SHISA9: variants seen among roughly 807,000 people sequenced by gnomAD.
The protein encoded by SHISA9 is shisa family member 9, also known as protein shisa-9.
A neutral mutation model predicts 38.0 loss-of-function variants in SHISA9; 13 were observed. The observed-to-expected ratio is 0.34, with a 90% CI of 0.22 to 0.54. The LOEUF is 0.54. Ranked by LOEUF, SHISA9 falls within the 20% of genes least tolerant of loss-of-function variation. The pLI is 0.91. For synonymous variants in SHISA9, 275 were observed against 242.0 expected, an observed-to-expected ratio of 1.14 and a Z score of -1.27; for missense variants, 538 against 575.8, an observed-to-expected ratio of 0.93 and a Z score of 0.67.
rs926243067 is a variant in SHISA9, at chr16:12,947,591, C to G, written c.691+30776C>G. Among the ~76,000 whole-genome samples, 4 of 152,168 alleles carry G rather than the reference C, an allele frequency of 2.6e-5. No individual in the cohort carries two copies. In the East Asian group the frequency reaches 7.7e-4, roughly 29 times the overall value. ...ATTCATTCAGCTTGGGGAGACATCA[C>G]GTGGTGGCTAACAGGGACATCGGGA... is the stretch of plus-strand genomic sequence containing the variant. On this transcript the variant is annotated intron_variant, in intron 2 of 4. Transcript: ENST00000558583.
At chr16:13,084,283 T>G (rs1048366495) in intron 2 of SHISA9, among the ~76,000 whole-genome samples, 1 of 152,186 alleles carries the variant, frequency 6.6e-6, no homozygotes, top group Non-Finnish European at 1.5e-5. Flanking sequence ...TTCTGCTGCT[T>G]CTTTTTGAAA....
At chr16:13,166,758 T>C (rs2050639947) in intron 2 of SHISA9, among the ~76,000 whole-genome samples, 1 of 152,142 alleles carries the variant, frequency 6.6e-6, no homozygotes, top group African/African-American at 2.4e-5. Flanking sequence ...CTGGTGATCT[T>C]CACAAGGTGG....
intron 2 of SHISA9, among the ~76,000 whole-genome samples, chr16:12,926,976 A>G (rs1019983373): frequency 3.9e-5 from 6 of 152,236 alleles, no homozygotes; most frequent in African/African-American, 1.4e-4. Flanking sequence ...TAAGAATGCC[A>G]GGTCGGCCAT....
chr16:13,304,685 C>T, the SHISA9 span, among the ~76,000 whole-genome samples: 4 of 152,050 alleles, frequency 2.6e-5, no homozygotes, highest in Admixed American at 6.5e-5. Flanking sequence ...TTTTTATTCC[C>T]GCAACAATCT....
chr16:13,223,733 A>G (rs578029834), intron 4 of SHISA9, among the ~76,000 whole-genome samples: 1 of 152,330 alleles, frequency 6.6e-6, no homozygotes, highest in Non-Finnish European at 1.5e-5. Context: ...AGGCCTCAAA[A>G]TCATGGTGGA....
chr16:13,470,652 A>G, the SHISA9 span, among the ~76,000 whole-genome samples: 6 of 152,178 alleles, frequency 3.9e-5, no homozygotes, highest in Non-Finnish European at 8.8e-5. Context: ...GCACATGGGG[A>G]TTGTTACAAT....
chr16:13,402,368 A>C, the SHISA9 span, among the ~76,000 whole-genome samples: 7 of 152,180 alleles, frequency 4.6e-5, no homozygotes, highest in Non-Finnish European at 8.8e-5. Flanking sequence ...CAAAGTTTCA[A>C]CAACTCAGAG....
chr16:13,362,819 G>A, the SHISA9 span, among the ~76,000 whole-genome samples: 1 of 152,054 alleles, frequency 6.6e-6, no homozygotes. Flanking sequence ...GAGCCATTTA[G>A]CTTTCTCTTT....
chr16:13,503,595 C>T, the SHISA9 span, among the ~76,000 whole-genome samples: 5 of 151,808 alleles, frequency 3.3e-5, no homozygotes, highest in Non-Finnish European at 7.4e-5. Flanking sequence ...ATCTTAAGGC[C>T]CAGCTTTAGA....
the SHISA9 span, among the ~76,000 whole-genome samples, chr16:13,349,415 C>G: frequency 6.6e-6 from 1 of 152,206 alleles, no homozygotes; most frequent in Non-Finnish European, 1.5e-5. Flanking sequence ...GCGTATGTGA[C>G]TTTGCTGATT....
chr16:13,345,990 T>G, the SHISA9 span, among the ~76,000 whole-genome samples: 1 of 152,188 alleles, frequency 6.6e-6, no homozygotes, highest in Non-Finnish European at 1.5e-5. Flanking sequence ...TTTCTGTAAG[T>G]TTAAGGGGTA....
chr16:13,527,642 T>C, the SHISA9 span, among the ~76,000 whole-genome samples: 1 of 152,148 alleles, frequency 6.6e-6, no homozygotes, highest in African/African-American at 2.4e-5. Flanking sequence ...GAGAAGTTCA[T>C]ATAACAGATA....
At chr16:13,387,742 C>A in the SHISA9 span, among the ~76,000 whole-genome samples, 1 of 152,226 alleles carries the variant, frequency 6.6e-6, no homozygotes, top group South Asian at 2.1e-4. Flanking sequence ...CCCGCCTCGG[C>A]CTCCCAAAGT....
At chr16:13,221,734 A>C (rs1028784978) in intron 4 of SHISA9, among the ~76,000 whole-genome samples, 4 of 152,162 alleles carry the variant, frequency 2.6e-5, no homozygotes, top group Non-Finnish European at 5.9e-5. Flanking sequence ...CAATATTAGA[A>C]CATTTTCCTC....
At chr16:12,981,491 T>C (rs1278398598) in intron 2 of SHISA9, among the ~76,000 whole-genome samples, 3 of 152,158 alleles carry the variant, frequency 2.0e-5, no homozygotes, top group Admixed American at 1.3e-4. Context: ...CCAGTCCAAA[T>C]CAGCACGCAG....
the SHISA9 span, among the ~76,000 whole-genome samples, chr16:13,478,943 G>A: frequency 2.5e-4 from 38 of 152,292 alleles, no homozygotes; most frequent in African/African-American, 8.4e-4. Context: ...TATTGCTGCT[G>A]TGGAATATTA....
the SHISA9 span, among the ~76,000 whole-genome samples, chr16:13,333,052 G>T: frequency 6.6e-6 from 1 of 152,190 alleles, no homozygotes; most frequent in African/African-American, 2.4e-5. Context: ...CGTGCCCGTC[G>T]AAGTCAGAGG....
At chr16:13,261,653 A>T in the SHISA9 span, among the ~76,000 whole-genome samples, 1 of 152,194 alleles carries the variant, frequency 6.6e-6, no homozygotes, top group Admixed American at 6.5e-5. Flanking sequence ...CCCACTGTTT[A>T]CAAAATTTTA....
chr16:13,286,050 T>A, the SHISA9 span, among the ~76,000 whole-genome samples: 28 of 152,178 alleles, frequency 1.8e-4, no homozygotes, highest in African/African-American at 6.3e-4. Context: ...GCATATTTGA[T>A]TGCCTCCTTT....
Sources: gnomAD v4.1 joint callset for allele counts (sites outside exome capture counted in the v4.1 genomes callset) on GRCh38, gnomAD v4.1.1 for gene constraint, MANE v1.5 for transcripts, NCBI Gene and HGNC (gene_info 2026-07-23, HGNC 2026-07-21) for gene names.